Variants in TUBB observed in about 807,000 individuals in gnomAD.
TUBB encodes the protein tubulin beta chain.
Under a neutral mutation model 35.1 loss-of-function variants are expected in TUBB, and 2 were observed. That is an observed-to-expected ratio of 0.06 (90% confidence interval 0.02 to 0.18). The LOEUF is 0.18. TUBB is among the 10% of genes least tolerant of loss of function. The pLI is 1.00. For synonymous variants in TUBB, 205 were observed against 223.8 expected (o/e 0.92, Z 0.75); for missense variants, 50 against 599.4 (o/e 0.08, Z 9.57).
chr6:30,722,733 C>G lies in TUBB; in HGVS notation c.166+88C>G, dbSNP rs1776370740. ...TTTCCATTTCTGGGCACGCCTTATC[C>G]CCTTTGGGTGAATCTGTCATTTTGT... On this transcript the variant is annotated intron_variant, in intron 2 of 3. Coordinates refer to ENST00000327892, the MANE Select transcript of TUBB (RefSeq NM_178014.4). 4 of 1,260,506 alleles carry G rather than the reference C, an allele frequency of 3.2e-6. No homozygotes were observed. The African/African-American group carries it at 4.4e-5, about 14-fold the overall frequency. The allele number at this position is 1,260,506 out of a possible 1,614,324, so 78.1% of individuals were successfully genotyped here. A position where few individuals can be genotyped will look rare whatever the true frequency, so the allele number is the denominator to read the frequency against.
At chr6:30,721,645 C>A in intron 1 of TUBB, 1 of 985,432 alleles carries the variant, frequency 1.0e-6, no homozygotes, top group Non-Finnish European at 1.2e-6. Flanking sequence ...CTCAGACCCC[C>A]AGCCTTTTGT....
Position 30,721,474 on chromosome 6 carries a change from G to A in TUBB, c.57+911G>A, listed in dbSNP as rs1468024801. The A allele has an allele frequency of 3.4e-6, 3 of 892,470 alleles. No individual in the cohort carries two copies. In the African/African-American group the frequency reaches 5.4e-5, roughly 16 times the overall value. The allele number at this position is 892,470 out of a possible 1,614,324, so 55.3% of individuals were successfully genotyped here. ...GCGCGGGGACAATGCGGCGTTGCCC[G>A]CCGGCAGGGGCGCGCTACCTTGGGC... On this transcript the variant is annotated intron_variant, in intron 1 of 3. Coordinates refer to ENST00000327892, the MANE Select transcript of TUBB (RefSeq NM_178014.4).
chr6:30,721,389 G>GGAT (rs1307915487), intron 1 of TUBB, among the ~76,000 whole-genome samples: 3 of 151,250 alleles, frequency 2.0e-5, no homozygotes, highest in Admixed American at 6.6e-5. Context: ...GAGGAAGTGC[G>GGAT]GCTGCTACGT....
intron 1 of TUBB, 87 bp downstream of exon 1, chr6:30,720,650 G>A: frequency 8.6e-7 from 1 of 1,157,428 alleles, no homozygotes; most frequent in Non-Finnish European, 1.3e-6. Context: ...ATTTGCACCC[G>A]CTATCCTTAA....
rs1157582226 is a variant in TUBB, at chr6:30,724,434, T to C, written c.*37T>C. 2 of 1,554,296 alleles carry C rather than the reference T, an allele frequency of 1.3e-6. No homozygotes were observed. The highest frequency in any genetic ancestry group is 2.7e-5 in the African/African-American group (2 of 73,356). ...CATCACCTCAGGCTTCTCAGTTCCC[T>C]TAGCCGTCTTACTCAACTGCCCCTT... On this transcript the variant is annotated 3_prime_UTR_variant, in exon 4 of 4. Transcript: ENST00000327892. The surrounding 1 kb of genome is among the most constrained non-coding windows in gnomAD (Gnocchi z 4.4).
At position 30,724,118 on chromosome 6, in the gene TUBB, C is replaced by T. The variant is rs773052081; in HGVS notation, c.1056C>T (p.Ala352=). ...VEWIPNNVKT[A]VCDIPPRGLK... ...GGATCCCCAACAATGTCAAGACAGC[C>T]GTCTGTGACATCCCACCTCGTGGCC... Residue 352 remains alanine, a synonymous_variant, in exon 4 of 4, where the codon GCC becomes GCT. Transcript: ENST00000327892. The surrounding 1 kb of genome is among the most constrained non-coding windows in gnomAD (Gnocchi z 4.4). 3.0e-5 allele frequency: 48 copies of T among 1,603,556 alleles called. No individual in the cohort carries two copies. Among genetic ancestry groups the T allele is most frequent in the Non-Finnish European group, 3.5e-5 (41 of 1,171,358 alleles).
At position 30,723,325 on chromosome 6, in the gene TUBB, C is replaced by T. The variant is rs749338116; in HGVS notation, c.278-15C>T. ...ATACCCTGTTAATTGAGCTTTTCTC[C>T]TGACTGCATTCCAGGTCAGTCTGGG... On this transcript the variant is annotated splice_polypyrimidine_tract_variant and intron_variant, in intron 3 of 3. Transcript: ENST00000327892. 1.3e-6 allele frequency: 2 copies of T among 1,581,214 alleles called. No individual in the cohort carries two copies. The highest frequency in any genetic ancestry group is 8.6e-7 in the Non-Finnish European group (1 of 1,162,458).
Position 30,725,266 on chromosome 6 carries a change from C to G in TUBB, c.*869C>G, listed in dbSNP as rs1776586843. 1 of 157,732 alleles carries G rather than the reference C, an allele frequency of 6.3e-6. No individual in the cohort carries two copies. 9.8% of individuals were successfully genotyped at this position (157,732 alleles called of 1,614,324 possible). A position where few individuals can be genotyped will look rare whatever the true frequency, so the allele number is the denominator to read the frequency against. On this transcript the variant is annotated 3_prime_UTR_variant, in exon 4 of 4. Transcript: ENST00000327892. ...CCCTCCTCCATCTTTTTTGCAACAT[C>G]TCATTTCTTCCTTTTGCTGTTGCTT...
rs893370241 is a variant in TUBB at position 30,723,322 on chromosome 6, C to A, written c.278-18C>A. 13 of 1,577,020 alleles carry A rather than the reference C, an allele frequency of 8.2e-6. 1 individual carries two copies. In the Admixed American group the frequency reaches 1.1e-4, roughly 13 times the overall value. ...TCCATACCCTGTTAATTGAGCTTTT[C>A]TCCTGACTGCATTCCAGGTCAGTCT... On this transcript the variant is annotated intron_variant, in intron 3 of 3. Transcript: ENST00000327892.
At chr6:30,723,178 G>A in intron 3 of TUBB, 150 bp downstream of exon 3, 2 of 885,618 alleles carry the variant, frequency 2.3e-6, no homozygotes, top group African/African-American at 1.7e-5. Context: ...TAGAGGTAGT[G>A]CCTACTATTG....
In TUBB at chr6:30,725,319, A is replaced by G. The variant is rs999511526; in HGVS notation, c.*922A>G. ...CCCCTCACACACTTGGTTTTGTTCT[A>G]TCCTACATTTGAGATTTCTATTTTA... On this transcript the variant is annotated 3_prime_UTR_variant, in exon 4 of 4. Coordinates refer to ENST00000327892, the MANE Select transcript of TUBB (RefSeq NM_178014.4). 8 of 154,880 alleles carry G rather than the reference A, an allele frequency of 5.2e-5. No individual in the cohort carries two copies. The highest frequency in any genetic ancestry group is 1.9e-4 in the East Asian group (1 of 5,196). The allele number at this position is 154,880 out of a possible 1,614,324, so 9.6% of individuals were successfully genotyped here.
chr6:30,724,529 GA>G lies in TUBB; in HGVS notation c.*134del. The G allele has an allele frequency of 7.8e-6, 6 of 766,842 alleles. No homozygotes were observed. The highest frequency in any genetic ancestry group is 1.2e-5 in the Non-Finnish European group (6 of 488,164). 47.5% of individuals were successfully genotyped at this position (766,842 alleles called of 1,614,324 possible). A position where few individuals can be genotyped will look rare whatever the true frequency, so the allele number is the denominator to read the frequency against. ...TGTTTTTTCTTCTGGGGGGGGTCTA[GA>G]ACAGTGCCTGGCACATAGTAGGCGC... On this transcript the variant is annotated 3_prime_UTR_variant, in exon 4 of 4. Transcript: ENST00000327892. This position sits in a 1 kb window ranked among gnomAD's most constrained non-coding sequence, Gnocchi z 4.4.
At chr6:30,722,391 C>A in intron 1 of TUBB, 146 bp from the exon 2 acceptor site, 1 of 623,784 alleles carries the variant, frequency 1.6e-6, no homozygotes, top group Non-Finnish European at 2.9e-6. Context: ...TGCAGTGAGC[C>A]GAGATAGCGC....
chr6:30,722,067 C>A, intron 1 of TUBB: 1 of 211,866 alleles, frequency 4.7e-6, no homozygotes. Flanking sequence ...ATGGGAGGAT[C>A]GGTTGAGCCT....
At chr6:30,722,732 C>A in intron 2 of TUBB, 87 bp downstream of exon 2, 1 of 1,273,470 alleles carries the variant, frequency 7.9e-7, no homozygotes, top group South Asian at 1.3e-5. Flanking sequence ...CACGCCTTAT[C>A]CCCTTTGGGT....
At position 30,724,540 on chromosome 6, in the gene TUBB, G is replaced by A. The variant is rs1261495572; in HGVS notation, c.*143G>A. On this transcript the variant is annotated 3_prime_UTR_variant, in exon 4 of 4. Coordinates refer to ENST00000327892, the MANE Select transcript of TUBB (RefSeq NM_178014.4). The surrounding 1 kb of genome is among the most constrained non-coding windows in gnomAD (Gnocchi z 4.4). ...CTGGGGGGGGTCTAGAACAGTGCCTGGCACATAGTAGGCGCTCAATAAATA... is the reference window on the plus strand; with the variant it reads ...CTGGGGGGGGTCTAGAACAGTGCCTAGCACATAGTAGGCGCTCAATAAATA... 4 of 690,628 alleles carry A rather than the reference G, an allele frequency of 5.8e-6. No homozygotes were observed. The highest frequency in any genetic ancestry group is 3.0e-5 in the Admixed American group (1 of 33,808). 42.8% of individuals were successfully genotyped at this position (690,628 alleles called of 1,614,324 possible).
chr6:30,720,402 G>A lies in TUBB; in HGVS notation c.-105G>A, dbSNP rs1374447948. On this transcript the variant is annotated 5_prime_UTR_variant, in exon 1 of 4. Transcript: ENST00000327892. ...TTTGCACCTCGCTGCTCCAGCCTCT[G>A]GGGCGCATTCCAACCTTCCAGCCTG... 8.1e-6 allele frequency: 9 copies of A among 1,107,374 alleles called. No individual in the cohort carries two copies. The Admixed American group carries it at 1.4e-4, about 18-fold the overall frequency. 68.6% of individuals were successfully genotyped at this position (1,107,374 alleles called of 1,614,324 possible).
At chr6:30,721,515 CG>C in intron 1 of TUBB, 1 of 981,122 alleles carries the variant, frequency 1.0e-6, no homozygotes, top group South Asian at 4.7e-5. Context: ...CCCTCGCGCG[CG>C]GAATTTTTGT....
In TUBB at chr6:30,723,890, T is replaced by A; in HGVS notation, c.828T>A (p.Arg276=). 1 of 1,614,194 alleles carries A rather than the reference T, an allele frequency of 6.2e-7. No homozygotes were observed. Among genetic ancestry groups the A allele is most frequent in the Non-Finnish European group, 8.5e-7 (1 of 1,180,024 alleles). The change falls in exon 4 of 4, where the codon CGT becomes CGA. Residue 276 remains arginine (R), a synonymous_variant. Transcript: ENST00000327892. ...FMPGFAPLTS[R]GSQQYRALTV... is the part of the protein sequence containing the mutation. ...CTGGCTTTGCCCCTCTCACCAGCCG[T>A]GGAAGCCAGCAGTATCGAGCTCTCA...
Sources: gnomAD v4.1 joint callset for allele counts (sites outside exome capture counted in the v4.1 genomes callset) on GRCh38, gnomAD v4.1.1 for gene constraint, Gnocchi (gnomAD v3.1) non-coding constraint, MANE v1.5 for transcripts, NCBI Gene and HGNC (gene_info 2026-07-23, HGNC 2026-07-21) for gene names.